Variants in DDA1 observed in about 807,000 individuals in gnomAD.
DDA1 encodes the protein DET1- and DDB1-associated protein 1.
A neutral mutation model predicts 18.6 loss-of-function variants in DDA1; 3 were observed. The observed-to-expected ratio is 0.16, with a 90% CI of 0.07 to 0.42. The LOEUF (loss-of-function observed/expected upper bound fraction) is 0.42, where lower values mean the gene tolerates loss of function less well. Among genes scored for constraint, DDA1 ranks in the 10% least tolerant of loss-of-function variants. The pLI, the probability that DDA1 is intolerant of heterozygous loss-of-function variation, is 0.99. For missense variants in DDA1, 105 were observed against 138.2 expected, an observed-to-expected ratio of 0.76 and a Z score of 1.20; for synonymous variants, 52 against 54.0, an observed-to-expected ratio of 0.96 and a Z score of 0.17.
chr19:17,318,294 C>T (rs191402607), intron 4 of DDA1, among the ~76,000 whole-genome samples: 56 of 151,986 alleles, frequency 3.7e-4, no homozygotes, highest in Middle Eastern at 3.4e-3. Context: ...TGCAGTGGCG[C>T]GATCTTGGCT....
chr19:17,319,458 G>A (rs1287809635), intron 4 of DDA1, 88 bp from the exon 5 acceptor site: 2 of 1,106,722 alleles, frequency 1.8e-6, no homozygotes, highest in South Asian at 1.4e-5. Context: ...TACTCCAGAG[G>A]CTGAGCTGGG....
At chr19:17,315,685 T>G in intron 3 of DDA1, 1 of 571,962 alleles carries the variant, frequency 1.7e-6, no homozygotes, top group Non-Finnish European at 3.1e-6. Context: ...GGCATGAGAG[T>G]CTCAGTTGCG....
At chr19:17,313,250 C>A (rs1157092604) in intron 1 of DDA1, among the ~76,000 whole-genome samples, 5 of 151,922 alleles carry the variant, frequency 3.3e-5, no homozygotes, top group African/African-American at 1.2e-4. Context: ...TGGGTAACCT[C>A]TCTGCCTCGG....
chr19:17,318,726 C>T (rs1262000191), intron 4 of DDA1, among the ~76,000 whole-genome samples: 9 of 149,840 alleles, frequency 6.0e-5, no homozygotes, highest in African/African-American at 2.2e-4. Context: ...AGTGCAGTGG[C>T]GTGATCTCAG....
At chr19:17,316,980 G>A (rs1229692778) in intron 4 of DDA1, among the ~76,000 whole-genome samples, 4 of 151,782 alleles carry the variant, frequency 2.6e-5, no homozygotes, top group Admixed American at 2.0e-4. Flanking sequence ...TAATCCCCGC[G>A]CTTTGGGAGG....
intron 1 of DDA1, among the ~76,000 whole-genome samples, chr19:17,313,119 C>T (rs2074186639): frequency 6.6e-6 from 1 of 152,190 alleles, no homozygotes; most frequent in Admixed American, 6.5e-5. Flanking sequence ...TCCCTTCCAG[C>T]TCTGTAGCCT....
rs1031637076 is a variant in DDA1, at chr19:17,320,786, A to T, written c.*1130A>T. The T allele has an allele frequency of 6.6e-6, 1 of 152,574 alleles. No individual in the cohort carries two copies. The highest frequency in any genetic ancestry group is 2.4e-5 in the African/African-American group (1 of 41,448). 9.5% of individuals were successfully genotyped at this position (152,574 alleles called of 1,614,324 possible). A position where few individuals can be genotyped will look rare whatever the true frequency, so the allele number is the denominator to read the frequency against. On this transcript the variant is annotated 3_prime_UTR_variant, in exon 5 of 5. Transcript: ENST00000359866. ...TGGCACCTGGCAGTTGGCATGTGCCATGGCCGCTCATGGGGACCCCTCTTC... is the reference window on the plus strand; with the variant it reads ...TGGCACCTGGCAGTTGGCATGTGCCTTGGCCGCTCATGGGGACCCCTCTTC...
At chr19:17,317,868 C>G (rs1044368512) in intron 4 of DDA1, among the ~76,000 whole-genome samples, 1 of 152,016 alleles carries the variant, frequency 6.6e-6, no homozygotes, top group African/African-American at 2.4e-5. Context: ...GGTGTAGTTG[C>G]AGCGAAGAGT....
rs2074245865 is a variant in DDA1 at position 17,322,761 on chromosome 19, A to C, written c.*3105A>C. ...GGACACCCAAATGTGCCATTCTCTC[A>C]GTATCACAAGTCGGGGACTGCAGGA... is the stretch of plus-strand genomic sequence containing the variant. On this transcript the variant is annotated 3_prime_UTR_variant, in exon 5 of 5. Transcript: ENST00000359866. The C allele has an allele frequency of 6.6e-6, 1 of 152,222 alleles. No homozygotes were observed. Among genetic ancestry groups the C allele is most frequent in the Non-Finnish European group, 1.5e-5 (1 of 68,052 alleles). The allele number at this position is 152,222 out of a possible 1,614,324, so 9.4% of individuals were successfully genotyped here.
chr19:17,318,307 C>T (rs780277482), intron 4 of DDA1, among the ~76,000 whole-genome samples: 7 of 152,204 alleles, frequency 4.6e-5, no homozygotes, highest in Middle Eastern at 3.2e-3. Context: ...TCTTGGCTCA[C>T]TGTAATCTCC....
chr19:17,319,713 C>A lies in DDA1; in HGVS notation c.*57C>A. The A allele has an allele frequency of 6.7e-7, 1 of 1,500,402 alleles. No homozygotes were observed. 92.9% of individuals were successfully genotyped at this position (1,500,402 alleles called of 1,614,324 possible). A position where few individuals can be genotyped will look rare whatever the true frequency, so the allele number is the denominator to read the frequency against. On this transcript the variant is annotated 3_prime_UTR_variant, in exon 5 of 5. Transcript: ENST00000359866. The stretch of plus-strand genomic sequence containing the variant: ...GTCTGCTCCTCGGTCGCCCACCCGC[C>A]TGCCCGCCATGTGTAAGCACCCCGC...
intron 1 of DDA1, among the ~76,000 whole-genome samples, chr19:17,309,991 G>A (rs1378124567): frequency 6.6e-6 from 1 of 152,176 alleles, no homozygotes; most frequent in East Asian, 1.9e-4. Flanking sequence ...TTCTCAGCAC[G>A]CCGGACCTGG....
chr19:17,315,688 C>T lies in DDA1; in HGVS notation c.137-246C>T, dbSNP rs569570574. The stretch of plus-strand genomic sequence containing the variant: ...GGGAGAAACATAGGCATGAGAGTCT[C>T]AGTTGCGGGGCTTGGTCCCCCACCA... On this transcript the variant is annotated intron_variant, in intron 3 of 4. Transcript: ENST00000359866. 66 of 581,010 alleles carry T rather than the reference C, an allele frequency of 1.1e-4. No individual in the cohort carries two copies. The African/African-American group carries it at 1.2e-3, about 10-fold the overall frequency. The allele number at this position is 581,010 out of a possible 1,614,324, so 36.0% of individuals were successfully genotyped here.
In DDA1 at chr19:17,322,768, C is replaced by G. The variant is rs550803620; in HGVS notation, c.*3112C>G. Reference sequence around the variant, plus strand: ...CAAATGTGCCATTCTCTCAGTATCACAAGTCGGGGACTGCAGGAGGCTCAG... The same window carrying G: ...CAAATGTGCCATTCTCTCAGTATCAGAAGTCGGGGACTGCAGGAGGCTCAG... On this transcript the variant is annotated 3_prime_UTR_variant, in exon 5 of 5. Coordinates refer to ENST00000359866, the MANE Select transcript of DDA1 (RefSeq NM_024050.6). 15 of 152,276 alleles carry G rather than the reference C, an allele frequency of 9.9e-5. No homozygotes were observed. Among genetic ancestry groups the G allele is most frequent in the Non-Finnish European group, 1.9e-4 (13 of 68,064 alleles). 9.4% of individuals were successfully genotyped at this position (152,276 alleles called of 1,614,324 possible).
At position 17,320,146 on chromosome 19, in the gene DDA1, C is replaced by T. The variant is rs113632426; in HGVS notation, c.*490C>T. ...ACTCGGTCTTGTCCCACGCTTCGCC[C>T]GGAACTTTCCCATGCCCAGGCCTCA... On this transcript the variant is annotated 3_prime_UTR_variant, in exon 5 of 5. Transcript: ENST00000359866. 1,063 of 153,950 alleles carry T rather than the reference C, an allele frequency of 6.9e-3. 5 individuals are homozygous for T. The highest frequency in any genetic ancestry group is 0.02 in the Middle Eastern group (6 of 296). 9.5% of individuals were successfully genotyped at this position (153,950 alleles called of 1,614,324 possible). A position where few individuals can be genotyped will look rare whatever the true frequency, so the allele number is the denominator to read the frequency against.
intron 4 of DDA1, among the ~76,000 whole-genome samples, chr19:17,316,622 C>T (rs969146379): frequency 1.3e-5 from 2 of 151,984 alleles, no homozygotes; most frequent in African/African-American, 4.8e-5. Flanking sequence ...CGCCTGTAAT[C>T]CCAGCACTTT....
At chr19:17,309,778 C>T (rs1038515324) in intron 1 of DDA1, 121 bp downstream of exon 1, 1 of 1,298,510 alleles carries the variant, frequency 7.7e-7, no homozygotes. Context: ...CAGGTCCGGC[C>T]CGCCCCTCCC....
At chr19:17,313,096 C>T (rs931587863) in intron 1 of DDA1, among the ~76,000 whole-genome samples, 3 of 152,196 alleles carry the variant, frequency 2.0e-5, no homozygotes, top group Non-Finnish European at 2.9e-5. Flanking sequence ...CCTCAGGCAT[C>T]AGGGGATGGC....
chr19:17,310,363 A>T (rs909310323), intron 1 of DDA1: 6 of 152,180 alleles, frequency 3.9e-5, no homozygotes, highest in Admixed American at 6.6e-5. Flanking sequence ...CTGTCCCCTC[A>T]TTATGAAGTG....
Sources: gnomAD v4.1 joint callset for allele counts (sites outside exome capture counted in the v4.1 genomes callset) on GRCh38, gnomAD v4.1.1 for gene constraint, MANE v1.5 for transcripts, NCBI Gene and HGNC (gene_info 2026-07-23, HGNC 2026-07-21) for gene names.